SPATA17: variants seen among roughly 807,000 people sequenced by gnomAD.
SPATA17 encodes spermatogenesis associated 17.
In SPATA17, 53 loss-of-function variants were observed where a neutral mutation model predicts 62.2. The ratio of observed to expected loss-of-function variants is 0.85; its 90% confidence interval spans 0.68 to 1.07. The LOEUF (loss-of-function observed/expected upper bound fraction) is 1.07. Among genes scored for constraint, SPATA17 ranks in the 50% least tolerant of loss-of-function variants. The pLI is 0.00. For missense variants in SPATA17, 466 were observed against 425.5 expected, an observed-to-expected ratio of 1.10 and a Z score of -0.84; for synonymous variants, 146 against 146.8, an observed-to-expected ratio of 0.99 and a Z score of 0.04.
At chr1:217,684,954 A>G (rs1671183668) in intron 5 of SPATA17, among the ~76,000 whole-genome samples, 1 of 152,080 alleles carries the variant, frequency 6.6e-6, no homozygotes, top group South Asian at 2.1e-4. Flanking sequence ...TTAAGGGGGG[A>G]AGGCTTCAAT....
chr1:217,728,210 C>A (rs570875585), intron 5 of SPATA17, among the ~76,000 whole-genome samples: 1 of 151,968 alleles, frequency 6.6e-6, no homozygotes, highest in African/African-American at 2.4e-5. Context: ...TCTGATAAAA[C>A]AATAGGAAAT....
intron 8 of SPATA17, among the ~76,000 whole-genome samples, chr1:217,787,404 T>C (rs909214995): frequency 6.6e-6 from 1 of 152,176 alleles, no homozygotes; most frequent in African/African-American, 2.4e-5. Flanking sequence ...AGCTTATTTC[T>C]CTAGCTAATT....
At chr1:217,785,199 T>C (rs1673831121) in intron 8 of SPATA17, 1 of 152,368 alleles carries the variant, frequency 6.6e-6, no homozygotes, top group South Asian at 2.1e-4. Context: ...CCATACATAT[T>C]AGAGTAGGTG....
intron 6 of SPATA17, among the ~76,000 whole-genome samples, chr1:217,751,591 T>A (rs553962596): frequency 4.9e-4 from 75 of 152,364 alleles, no homozygotes; most frequent in Non-Finnish European, 9.0e-4. Context: ...TTTAACATTG[T>A]AGTTTTTATT....
intron 7 of SPATA17, 58 bp downstream of exon 7, chr1:217,774,595 CT>C (rs1673543910): frequency 1.4e-6 from 2 of 1,427,616 alleles, no homozygotes; most frequent in Non-Finnish European, 1.9e-6. Context: ...ATTTTTTGCA[CT>C]TTTTATATAA....
chr1:217,772,909 G>A (rs759771441), intron 6 of SPATA17, among the ~76,000 whole-genome samples: 3 of 152,154 alleles, frequency 2.0e-5, no homozygotes, highest in Non-Finnish European at 2.9e-5. Context: ...AGGACACTGC[G>A]TTTGGGATAG....
rs374868266 is a variant in SPATA17 at position 217,857,365 on chromosome 1, A to C, written c.1006-5409A>C. On this transcript the variant is annotated intron_variant, in intron 9 of 10. Coordinates refer to ENST00000366933, the MANE Select transcript of SPATA17 (RefSeq NM_138796.4). The stretch of plus-strand genomic sequence containing the variant: ...ACCTGGGCTGCATTCCAGCTCAGAG[A>C]GCCGTTCACTTCCAAAGACTCCTAA... 3.2e-4 allele frequency among the ~76,000 whole-genome samples: 48 copies of C among 152,242 alleles called. 1 individual carries two copies. The East Asian group carries it at 4.8e-3, about 15-fold the overall frequency.
At chr1:217,850,573 C>T in intron 9 of SPATA17, 1 of 1,595,780 alleles carries the variant, frequency 6.3e-7, no homozygotes, top group Middle Eastern at 1.7e-4. Flanking sequence ...TCGATGGTGT[C>T]ACTGGGCTCC....
At chr1:217,661,490 G>A (rs1056239850) in intron 3 of SPATA17, among the ~76,000 whole-genome samples, 1 of 152,110 alleles carries the variant, frequency 6.6e-6, no homozygotes, top group Non-Finnish European at 1.5e-5. Flanking sequence ...GTCCTAAAGA[G>A]TCATGTGCTC....
intron 1 of SPATA17, 38 bp downstream of exon 1, chr1:217,631,484 G>T: frequency 1.9e-6 from 3 of 1,604,672 alleles, no homozygotes; most frequent in Non-Finnish European, 2.6e-6. Flanking sequence ...AAGGGCGGGC[G>T]TGACTTTATA....
intron 6 of SPATA17, among the ~76,000 whole-genome samples, chr1:217,767,287 T>A (rs919062778): frequency 6.6e-6 from 1 of 152,102 alleles, no homozygotes. Context: ...TTTTCAAGAT[T>A]TTTTCTTTAC....
intron 3 of SPATA17, among the ~76,000 whole-genome samples, chr1:217,659,324 T>A (rs1670515835): frequency 6.6e-6 from 1 of 151,794 alleles, no homozygotes; most frequent in Non-Finnish European, 1.5e-5. Context: ...ATGAATGAAA[T>A]TTTGAAATTA....
chr1:217,718,731 A>C (rs183157135), intron 5 of SPATA17, among the ~76,000 whole-genome samples: 34 of 152,294 alleles, frequency 2.2e-4, no homozygotes, highest in Non-Finnish European at 4.0e-4. Flanking sequence ...ACAATCAGTC[A>C]ATCTTATTAT....
chr1:217,782,113 C>G, intron 7 of SPATA17, 61 bp from the exon 8 acceptor site: 1 of 1,461,942 alleles, frequency 6.8e-7, no homozygotes, highest in Non-Finnish European at 9.1e-7. Flanking sequence ...TAGCCTTGGT[C>G]ATCAGTAATA....
intron 8 of SPATA17, among the ~76,000 whole-genome samples, chr1:217,793,838 G>T (rs1388034253): frequency 6.6e-6 from 1 of 152,032 alleles, no homozygotes; most frequent in Non-Finnish European, 1.5e-5. Flanking sequence ...AAAGGAGGCC[G>T]GGTGCGGTGG....
At chr1:217,782,978 AT>A (rs1673767640) in intron 8 of SPATA17, among the ~76,000 whole-genome samples, 1 of 151,646 alleles carries the variant, frequency 6.6e-6, no homozygotes, top group South Asian at 2.1e-4. Context: ...GATTGTCATT[AT>A]TCTGTAATGT....
Position 217,833,671 on chromosome 1 carries a change from A to G in SPATA17, c.1006-29103A>G, listed in dbSNP as rs569483238. Among the ~76,000 whole-genome samples, 3 of 152,290 alleles carry G rather than the reference A, an allele frequency of 2.0e-5. No homozygotes were observed. In the East Asian group the frequency reaches 5.8e-4, roughly 29 times the overall value. ...AGTGGCAAAGTGGGTTTTCAGTTTA[A>G]TTCAGGAAACTGCTATTTTCTTCAG... On this transcript the variant is annotated intron_variant, in intron 9 of 10. Transcript: ENST00000366933.
At chr1:217,803,219 T>C (rs1674356553) in intron 9 of SPATA17, among the ~76,000 whole-genome samples, 1 of 152,052 alleles carries the variant, frequency 6.6e-6, no homozygotes, top group Admixed American at 6.6e-5. Flanking sequence ...GCCTCAAGGA[T>C]GCCCAGTCCT....
At chr1:217,779,998 C>A (rs1316379306) in intron 7 of SPATA17, among the ~76,000 whole-genome samples, 2 of 151,944 alleles carry the variant, frequency 1.3e-5, no homozygotes, top group Non-Finnish European at 2.9e-5. Flanking sequence ...TCCAGAAATA[C>A]CTGTAGTGTC....
Sources: allele counts gnomAD v4.1 joint callset (sites outside exome capture counted in the v4.1 genomes callset), GRCh38; gene constraint gnomAD v4.1.1; transcripts MANE v1.5; gene names NCBI Gene and HGNC (gene_info 2026-07-23, HGNC 2026-07-21).